DACH2: variants seen among roughly 807,000 people sequenced by gnomAD.
DACH2 encodes the protein dachshund family transcription factor 2.
In DACH2, 17 loss-of-function variants were observed where a neutral mutation model predicts 35.8. That is an observed-to-expected ratio of 0.48 (90% CI 0.33 to 0.71). DACH2 has a LOEUF of 0.71. DACH2 is among the 30% of genes least tolerant of loss of function. The pLI, the probability that DACH2 is intolerant of heterozygous loss-of-function variation, is 0.02. For synonymous variants in DACH2, 195 were observed against 177.3 expected (o/e 1.10, Z -0.79); for missense variants, 469 against 472.7 (o/e 0.99, Z 0.07).
At chrX:86,366,364 T>A (rs2148088558) in intron 1 of DACH2, among the ~76,000 whole-genome samples, 1 of 111,335 alleles carries the variant, frequency 9.0e-6, no homozygotes, top group South Asian at 3.9e-4. Flanking sequence ...GTGGAACTGT[T>A]AGGCAAATAA....
intron 1 of DACH2, among the ~76,000 whole-genome samples, chrX:86,175,354 T>G (rs242859): frequency 0.51 from 56,788 of 110,830 alleles, 12,295 homozygotes; most frequent in African/African-American, 0.83. Flanking sequence ...TGGTAATCTC[T>G]ATGAGAAAAG....
intron 2 of DACH2, among the ~76,000 whole-genome samples, chrX:86,454,663 C>G (rs1343845312): frequency 1.8e-5 from 2 of 111,933 alleles, no homozygotes; most frequent in East Asian, 5.7e-4. Flanking sequence ...TTCTGGCTAT[C>G]AGCTCCTGTA....
chrX:86,343,808 A>G (rs1476551344), intron 1 of DACH2, among the ~76,000 whole-genome samples: 1 of 111,346 alleles, frequency 9.0e-6, no homozygotes, highest in African/African-American at 3.3e-5. Context: ...ATTTAAAAAC[A>G]TTTGCCATCT....
At chrX:86,262,954 T>C (rs2033652991) in intron 1 of DACH2, 1 of 747,065 alleles carries the variant, frequency 1.3e-6, no homozygotes. Flanking sequence ...ACAACCCCCA[T>C]CCCATTCCCA....
In DACH2 at chrX:86,484,118, G is replaced by T. The variant is rs775522120; in HGVS notation, c.528-30161G>T. The stretch of plus-strand genomic sequence containing the variant: ...AACTACTTTGTCTGGCTTTGCTGAA[G>T]CTCAGCAATTATTCTGTATCTCTAC... On this transcript the variant is annotated intron_variant, in intron 2 of 11. Coordinates refer to ENST00000373125, the MANE Select transcript of DACH2 (RefSeq NM_053281.3). Among the ~76,000 whole-genome samples, 7 of 111,359 alleles carry T rather than the reference G, an allele frequency of 6.3e-5. No homozygotes were observed. The East Asian group carries it at 1.7e-3, about 27-fold the overall frequency.
chrX:86,398,115 C>T (rs1432414646), intron 2 of DACH2, among the ~76,000 whole-genome samples: 2 of 111,621 alleles, frequency 1.8e-5, no homozygotes, highest in South Asian at 3.7e-4. Context: ...GTTTAGTCTT[C>T]GGATGGTGTA....
At chrX:86,355,088 A>G (rs756347836) in intron 1 of DACH2, among the ~76,000 whole-genome samples, 4 of 111,059 alleles carry the variant, frequency 3.6e-5, no homozygotes, top group East Asian at 2.9e-4. Context: ...CTCAGTATCT[A>G]TTGTTCCCTT....
chrX:86,599,015 C>A (rs2039750482), intron 3 of DACH2, among the ~76,000 whole-genome samples: 1 of 110,083 alleles, frequency 9.1e-6, no homozygotes, highest in South Asian at 3.9e-4. Flanking sequence ...CAAGTGTTCT[C>A]ATTGTTCAAT....
chrX:86,734,248 C>T, intron 6 of DACH2, among the ~76,000 whole-genome samples: 1 of 110,947 alleles, frequency 9.0e-6, no homozygotes, highest in East Asian at 2.9e-4. Context: ...TTATTTTGGA[C>T]TCTCGTGCTT....
rs2034505546 is a variant in DACH2, at chrX:86,298,154, T to C, written c.489-78670T>C. Among the ~76,000 whole-genome samples, 2 of 111,705 alleles carry C rather than the reference T, an allele frequency of 1.8e-5. 1 individual carries two copies. The highest frequency in any genetic ancestry group is 3.8e-5 in the Non-Finnish European group (2 of 53,176). On this transcript the variant is annotated intron_variant, in intron 1 of 11. Transcript: ENST00000373125. ...GTTTTGCTTTAGAGCCCTAGAAATG[T>C]TTGAATTGTAGTAGTGTGTTGCAGC...
At chrX:86,763,412 CA>C (rs1236356557) in intron 7 of DACH2, among the ~76,000 whole-genome samples, 1 of 112,099 alleles carries the variant, frequency 8.9e-6, no homozygotes, top group African/African-American at 3.2e-5. Flanking sequence ...CAAAAATAGG[CA>C]AAACAAATCT....
chrX:86,254,807 T>TATATATAGAGAG (rs1380613474), intron 1 of DACH2, among the ~76,000 whole-genome samples: 68 of 49,620 alleles, frequency 1.4e-3, no homozygotes, highest in African/African-American at 6.6e-3. Flanking sequence ...TATATATATA[T>TATATATAGAGAG]AGAGAGAGAG....
rs1602819249 is a variant in DACH2 at position 86,704,202 on chromosome X, A to G, written c.931+9023A>G. On this transcript the variant is annotated intron_variant, in intron 5 of 11. Transcript: ENST00000373125. The stretch of plus-strand genomic sequence containing the variant: ...AAAAGCATAAATTGGGGGAAAGGGA[A>G]CCCTATTCAACAAATGGTGCTTGGA... Among the ~76,000 whole-genome samples the G allele has an allele frequency of 2.7e-5, 3 of 111,768 alleles. No homozygotes were observed. The East Asian group carries it at 8.4e-4, about 31-fold the overall frequency.
intron 6 of DACH2, among the ~76,000 whole-genome samples, chrX:86,717,670 C>T (rs2041352730): frequency 9.4e-6 from 1 of 105,866 alleles, no homozygotes; most frequent in Non-Finnish European, 1.9e-5. Flanking sequence ...GAAAATATGA[C>T]AACACAAACA....
chrX:86,160,355 C>A, intron 1 of DACH2: 1 of 852,246 alleles, frequency 1.2e-6, no homozygotes. Flanking sequence ...ACCAAAGTGA[C>A]CCAGAGGAGG....
intron 1 of DACH2, among the ~76,000 whole-genome samples, chrX:86,205,858 G>A (rs901717251): frequency 8.2e-5 from 9 of 110,052 alleles, no homozygotes; most frequent in African/African-American, 2.3e-4. Flanking sequence ...TGAGCCACCC[G>A]TCCCAGCCTA....
At chrX:86,413,770 T>C (rs757082144) in intron 2 of DACH2, among the ~76,000 whole-genome samples, 5 of 111,314 alleles carry the variant, frequency 4.5e-5, no homozygotes, top group African/African-American at 1.6e-4. Context: ...CTGCGAAGTA[T>C]GTCTATGCCA....
At chrX:86,716,839 CTG>C (rs2041342578) in intron 6 of DACH2, among the ~76,000 whole-genome samples, 1 of 111,662 alleles carries the variant, frequency 9.0e-6, no homozygotes. Flanking sequence ...GACAATATAA[CTG>C]AAATTTTGTT....
chrX:86,415,158 T>A (rs1372864248), intron 2 of DACH2, among the ~76,000 whole-genome samples: 1 of 112,255 alleles, frequency 8.9e-6, no homozygotes, highest in Non-Finnish European at 1.9e-5. Flanking sequence ...CCTGAGCACC[T>A]GTGTCTTAGT....
Sources: allele counts gnomAD v4.1 joint callset (sites outside exome capture counted in the v4.1 genomes callset), GRCh38; gene constraint gnomAD v4.1.1; transcripts MANE v1.5; gene names NCBI Gene and HGNC (gene_info 2026-07-23, HGNC 2026-07-21).